The following EXT1 variants were observed in gnomAD, a reference collection of about 807,000 sequenced individuals.
The protein encoded by EXT1 is exostosin glycosyltransferase 1.
In EXT1, 20 loss-of-function variants were observed where a neutral mutation model predicts 82.5. The ratio of observed to expected loss-of-function variants is 0.24; its 90% confidence interval spans 0.17 to 0.35. EXT1 has a LOEUF of 0.35. EXT1 is among the 10% of genes least tolerant of loss of function. The probability of loss-of-function intolerance (pLI) is 1.00; values close to 1 mark genes in which losing one functional copy is unlikely to be tolerated. For missense variants in EXT1, 757 were observed against 936.5 expected (o/e 0.81, Z 2.50); for synonymous variants, 348 against 350.8 (o/e 0.99, Z 0.09).
At chr8:118,067,095 G>A (rs1406208498) in intron 1 of EXT1, among the ~76,000 whole-genome samples, 1 of 152,190 alleles carries the variant, frequency 6.6e-6, no homozygotes, top group African/African-American at 2.4e-5. Context: ...CTCTCTCACT[G>A]ACTCTAGGTT....
intron 1 of EXT1, among the ~76,000 whole-genome samples, chr8:118,059,271 T>G (rs1392891315): frequency 6.6e-6 from 1 of 152,174 alleles, no homozygotes; most frequent in African/African-American, 2.4e-5. Flanking sequence ...ATCATACAAC[T>G]GTCAACTTGG....
intron 1 of EXT1, among the ~76,000 whole-genome samples, chr8:117,995,407 T>A (rs1195342454): frequency 6.6e-6 from 1 of 152,092 alleles, no homozygotes; most frequent in Admixed American, 6.5e-5. Context: ...TCATCAATGA[T>A]ATCCCCTTGG....
At chr8:117,901,741 G>A (rs1183245594) in intron 1 of EXT1, among the ~76,000 whole-genome samples, 2 of 151,858 alleles carry the variant, frequency 1.3e-5, no homozygotes, top group African/African-American at 2.4e-5. Context: ...CTGTCTCCTA[G>A]GCTGGAGTGC....
chr8:117,822,289 CA>C (rs904861644), intron 5 of EXT1, among the ~76,000 whole-genome samples, 175 bp downstream of exon 5: 3 of 152,100 alleles, frequency 2.0e-5, no homozygotes, highest in Admixed American at 1.3e-4. Context: ...TTCCATTTTG[CA>C]ATGCTCTGCT....
At chr8:117,983,396 A>G (rs940530714) in intron 1 of EXT1, among the ~76,000 whole-genome samples, 3 of 152,148 alleles carry the variant, frequency 2.0e-5, no homozygotes, top group African/African-American at 7.2e-5. Flanking sequence ...AGGTGAGAAG[A>G]TTGCTTGAGC....
chr8:118,101,009 T>C (rs1449164113), intron 1 of EXT1, among the ~76,000 whole-genome samples: 1 of 152,212 alleles, frequency 6.6e-6, no homozygotes, highest in Middle Eastern at 3.2e-3. Context: ...AAGTTATTGC[T>C]GTGGCTTAGT....
chr8:118,110,644 G>A lies in EXT1; in HGVS notation c.403C>T (p.Leu135=). The A allele has an allele frequency of 6.2e-7, 1 of 1,614,164 alleles. No homozygotes were observed. The highest frequency in any genetic ancestry group is 8.5e-7 in the Non-Finnish European group (1 of 1,180,028). ...EKIAESYQNI[L]AAIEGSRFYT... Reference sequence around the variant, plus strand: ...AACCTGGAGCCCTCGATGGCCGCTAGAATGTTTTGGTAACTTTCGGCGATT... The same window carrying A: ...AACCTGGAGCCCTCGATGGCCGCTAAAATGTTTTGGTAACTTTCGGCGATT... The change falls in exon 1 of 11, where the codon CTA becomes TTA. Residue 135 remains leucine, a synonymous_variant. Coordinates refer to ENST00000378204, the MANE Select transcript of EXT1 (RefSeq NM_000127.3).
At chr8:118,015,438 C>A (rs534794787) in intron 1 of EXT1, among the ~76,000 whole-genome samples, 1 of 152,196 alleles carries the variant, frequency 6.6e-6, no homozygotes, top group Admixed American at 6.5e-5. Flanking sequence ...CAAAATTCCA[C>A]GATCTAAAGT....
intron 1 of EXT1, among the ~76,000 whole-genome samples, chr8:118,007,259 T>C (rs1815798203): frequency 6.6e-6 from 1 of 151,718 alleles, no homozygotes; most frequent in Admixed American, 6.6e-5. Context: ...ATCGCGCCAC[T>C]GCACTCCAAC....
Position 117,798,482 on chromosome 8 carries a change from C to T in EXT1, c.*1230G>A, listed in dbSNP as rs1823116215. On this transcript the variant is annotated 3_prime_UTR_variant, in exon 11 of 11. Coordinates refer to ENST00000378204, the MANE Select transcript of EXT1 (RefSeq NM_000127.3). Reference sequence around the variant, plus strand: ...TAGCATTTTCAGGGATAGAAATGTTCTTTTTAACAAGAAGCACAACTAAAC... The same window carrying T: ...TAGCATTTTCAGGGATAGAAATGTTTTTTTTAACAAGAAGCACAACTAAAC... 1.3e-5 allele frequency: 2 copies of T among 151,682 alleles called. No homozygotes were observed. The highest frequency in any genetic ancestry group is 6.6e-5 in the Admixed American group (1 of 15,226). 9.4% of individuals were successfully genotyped at this position (151,682 alleles called of 1,614,324 possible). A position where few individuals can be genotyped will look rare whatever the true frequency, so the allele number is the denominator to read the frequency against.
intron 1 of EXT1, among the ~76,000 whole-genome samples, chr8:117,955,198 C>T (rs971870735): frequency 4.6e-5 from 7 of 152,184 alleles, no homozygotes; most frequent in African/African-American, 1.7e-4. Flanking sequence ...GTGCACCATC[C>T]TCCCGGCATG....
intron 1 of EXT1, among the ~76,000 whole-genome samples, chr8:117,850,865 C>G (rs1220914695): frequency 6.6e-6 from 1 of 152,106 alleles, no homozygotes; most frequent in Non-Finnish European, 1.5e-5. Flanking sequence ...CAAAACACCC[C>G]AAGGGTAGAC....
At chr8:117,858,766 A>AAGGAAGGAAGGAAGGAAGGC (rs1289892313) in intron 1 of EXT1, among the ~76,000 whole-genome samples, 2 of 54,680 alleles carry the variant, frequency 3.7e-5, no homozygotes, top group South Asian at 7.6e-4. Flanking sequence ...GGAAGGAAGG[A>AAGGAAGGAAGGAAGGAAGGC]AGGCAGGCAG....
chr8:117,859,542 C>G (rs1332903772), intron 1 of EXT1, among the ~76,000 whole-genome samples: 2 of 152,076 alleles, frequency 1.3e-5, no homozygotes, highest in South Asian at 2.1e-4. Flanking sequence ...ATAACACACC[C>G]AACTGAATGT....
chr8:118,096,090 C>T (rs1215614759), intron 1 of EXT1, among the ~76,000 whole-genome samples: 3 of 152,102 alleles, frequency 2.0e-5, no homozygotes, highest in African/African-American at 4.8e-5. Flanking sequence ...AGAGTTTGAA[C>T]GTAACCTGAG....
intron 7 of EXT1, among the ~76,000 whole-genome samples, chr8:117,814,234 G>GGT (rs57727618): frequency 0.038 from 5,627 of 146,732 alleles, 150 homozygotes; most frequent in African/African-American, 0.067. Context: ...CACACACAGT[G>GGT]GTGTGTGTGT....
chr8:117,816,196 A>G (rs911911018), intron 7 of EXT1, among the ~76,000 whole-genome samples: 1 of 152,058 alleles, frequency 6.6e-6, no homozygotes, highest in Admixed American at 6.5e-5. Context: ...CTTTCCATTT[A>G]TTGAAAGGGG....
chr8:117,873,152 T>C (rs1041856722), intron 1 of EXT1, among the ~76,000 whole-genome samples: 1 of 152,166 alleles, frequency 6.6e-6, no homozygotes, highest in Non-Finnish European at 1.5e-5. Flanking sequence ...AAGCCCGCAG[T>C]CTGTAACCTG....
intron 6 of EXT1, 78 bp downstream of exon 6, chr8:117,819,598 G>A (rs772192348): frequency 8.1e-7 from 1 of 1,239,384 alleles, no homozygotes; most frequent in Non-Finnish European, 1.2e-6. Flanking sequence ...GGAGCCCGGG[G>A]GATAACAGGT....
Sources: allele counts gnomAD v4.1 joint callset (sites outside exome capture counted in the v4.1 genomes callset), GRCh38; gene constraint gnomAD v4.1.1; transcripts MANE v1.5; gene names NCBI Gene and HGNC (gene_info 2026-07-23, HGNC 2026-07-21).